The following CDHR2 variants were observed in gnomAD, a reference collection of about 807,000 sequenced individuals.
CDHR2 encodes the protein cadherin-related family member 2.
In CDHR2, 104 loss-of-function variants were observed where a neutral mutation model predicts 138.6. That is an observed-to-expected ratio of 0.75 (90% confidence interval 0.64 to 0.88). The LOEUF (loss-of-function observed/expected upper bound fraction) is 0.88. CDHR2 is among the 40% of genes least tolerant of loss of function. The probability of loss-of-function intolerance (pLI) is 0.00; values close to 1 mark genes in which losing one functional copy is unlikely to be tolerated. For synonymous variants in CDHR2, 755 were observed against 742.8 expected (o/e 1.02, Z -0.27); for missense variants, 1,624 against 1,727.6 (o/e 0.94, Z 1.06).
intron 1 of CDHR2, among the ~76,000 whole-genome samples, chr5:176,552,392 G>T (rs954668859): frequency 6.6e-6 from 1 of 152,208 alleles, no homozygotes; most frequent in East Asian, 1.9e-4. Flanking sequence ...GGTGTGGACC[G>T]AGAACAGGAG....
intron 5 of CDHR2, among the ~76,000 whole-genome samples, chr5:176,570,040 T>TA (rs567589718): frequency 2.6e-5 from 4 of 152,178 alleles, no homozygotes; most frequent in Non-Finnish European, 5.9e-5. Context: ...TGTTGACCGT[T>TA]ACTGTATGCT....
chr5:176,574,879 T>C (rs1758328366), intron 7 of CDHR2, among the ~76,000 whole-genome samples: 1 of 152,176 alleles, frequency 6.6e-6, no homozygotes, highest in Non-Finnish European at 1.5e-5. Flanking sequence ...CTGCATCTTA[T>C]TGGATCCTCC....
intron 1 of CDHR2, among the ~76,000 whole-genome samples, chr5:176,555,026 G>A (rs1233452145): frequency 6.6e-6 from 1 of 152,168 alleles, no homozygotes; most frequent in African/African-American, 2.4e-5. Context: ...TCCTCCACGA[G>A]TCTCTTGCTA....
In CDHR2 at chr5:176,581,396, G is replaced by A. The variant is rs1040837964; in HGVS notation, c.1872G>A (p.Leu624=). Residue 624 remains leucine, a synonymous_variant, in exon 17 of 32, where the codon CTG becomes CTA. Coordinates refer to ENST00000261944, the MANE Select transcript of CDHR2 (RefSeq NM_017675.6). Reference sequence around the variant, plus strand: ...ACAACAGCCGTCTGCTCTTCAACCTGCTGCCTGGCCCCTACAGCCACAACT... The same window carrying A: ...ACAACAGCCGTCTGCTCTTCAACCTACTGCCTGGCCCCTACAGCCACAACT... ...GTNNSRLLFN[L]LPGPYSHNFS... is the part of the protein sequence containing the mutation. 1 of 1,613,972 alleles carries A rather than the reference G, an allele frequency of 6.2e-7. No individual in the cohort carries two copies. Among genetic ancestry groups the A allele is most frequent in the African/African-American group, 1.3e-5 (1 of 74,944 alleles).
intron 30 of CDHR2, 116 bp downstream of exon 30, chr5:176,591,600 ATGGTAGTAG>A: frequency 2.5e-6 from 2 of 789,958 alleles, no homozygotes; most frequent in Non-Finnish European, 4.3e-6. Flanking sequence ...TGGTGTGGTC[ATGGTAGTAG>A]TGGTAGTTAT....
At chr5:176,591,756 GA>G in intron 30 of CDHR2, 1 of 180,856 alleles carries the variant, frequency 5.5e-6, no homozygotes, top group Non-Finnish European at 1.3e-5. Flanking sequence ...TGGTGGTGAT[GA>G]TGGTGATGAT....
chr5:176,592,581 T>C, intron 30 of CDHR2, 142 bp from the exon 31 acceptor site: 1 of 692,004 alleles, frequency 1.4e-6, no homozygotes, highest in Non-Finnish European at 2.6e-6. Flanking sequence ...ATGATGGTAG[T>C]TGTGATGATG....
chr5:176,593,608 G>A (rs1418003400), intron 31 of CDHR2, among the ~76,000 whole-genome samples: 1 of 152,214 alleles, frequency 6.6e-6, no homozygotes, highest in African/African-American at 2.4e-5. Context: ...GCCCATTGGA[G>A]CTGTGATAGG....
intron 1 of CDHR2, among the ~76,000 whole-genome samples, chr5:176,563,325 G>T (rs546452932): frequency 1.2e-4 from 19 of 152,304 alleles, no homozygotes; most frequent in Middle Eastern, 6.8e-3. Context: ...TCCAGCCTGG[G>T]TGACAGAGTG....
chr5:176,578,761 T>C (rs917966216), intron 16 of CDHR2, among the ~76,000 whole-genome samples, 153 bp downstream of exon 16: 1 of 152,034 alleles, frequency 6.6e-6, no homozygotes. Context: ...ATGAAGAAAA[T>C]TATAGCCTTA....
At chr5:176,544,347 TTTTTC>T (rs1160032572), upstream of CDHR2, among the ~76,000 whole-genome samples, 451 of 147,792 alleles carry the variant, frequency 3.1e-3, no homozygotes, top group African/African-American at 0.01. Flanking sequence ...CTTCCTTTCT[TTTTTC>T]TTTTCTTTTC....
chr5:176,569,105 C>A, intron 5 of CDHR2, 95 bp downstream of exon 5: 1 of 1,112,046 alleles, frequency 9.0e-7, no homozygotes, highest in Non-Finnish European at 1.3e-6. Flanking sequence ...CCCCAGTTAA[C>A]AGTGAATTTA....
chr5:176,549,243 G>A (rs1023072529), upstream of CDHR2: 3 of 152,204 alleles, frequency 2.0e-5, no homozygotes, highest in African/African-American at 7.2e-5. Context: ...CTCATTAGGA[G>A]TCGACCCCTC....
chr5:176,542,552 G>C (rs1227353470), exon 1 of CDHR2: 1 of 152,168 alleles, frequency 6.6e-6, no homozygotes, highest in Non-Finnish European at 1.5e-5. Flanking sequence ...GATGAAAACC[G>C]AGGGCTGCAG....
At chr5:176,562,697 C>G (rs1395482966) in intron 1 of CDHR2, among the ~76,000 whole-genome samples, 5 of 152,114 alleles carry the variant, frequency 3.3e-5, no homozygotes, top group African/African-American at 4.8e-5. Context: ...GTGGCCATCC[C>G]TCCGGCCAAG....
chr5:176,550,306 C>T (rs1449966436), intron 1 of CDHR2, among the ~76,000 whole-genome samples: 1 of 152,254 alleles, frequency 6.6e-6, no homozygotes, highest in Non-Finnish European at 1.5e-5. Context: ...GCCATCTGAA[C>T]CCAGGGCTGT....
At position 176,584,636 on chromosome 5, in the gene CDHR2, C is replaced by T. The variant is rs1758611231; in HGVS notation, c.2355C>T (p.Pro785=). The change falls in exon 19 of 32, where the codon CCC becomes CCT. Residue 785 remains proline, a synonymous_variant. Transcript: ENST00000261944. ...CAGTGAGTGCTGAGAACCCAGACCC[C>T]CAGGGGGGTGAGACCATAGTAGACG... is the stretch of plus-strand genomic sequence containing the variant. ...NLTVSAENPD[P]QGGETIVDVC... 6.2e-7 allele frequency: 1 copy of T among 1,611,350 alleles called. No homozygotes were observed.
In CDHR2 at chr5:176,574,082, G is replaced by A; in HGVS notation, c.406-1G>A. 1 of 1,613,308 alleles carries A rather than the reference G, an allele frequency of 6.2e-7. No individual in the cohort carries two copies. Among genetic ancestry groups the A allele is most frequent in the Non-Finnish European group, 8.5e-7 (1 of 1,179,418 alleles). On this transcript the variant is annotated splice_acceptor_variant, in intron 6 of 31. Coordinates refer to ENST00000261944, the MANE Select transcript of CDHR2 (RefSeq NM_017675.6). LOFTEE classifies it high-confidence loss of function. ...CATAGGTGACGAGTCCCTCCCTGCA[G>A]ACCCTGCCCGTGGGCAGTGTGGTGT...
chr5:176,571,837 C>T (rs943180635), intron 6 of CDHR2, among the ~76,000 whole-genome samples: 2 of 152,074 alleles, frequency 1.3e-5, no homozygotes, highest in African/African-American at 4.8e-5. Context: ...CGCCCAGCCT[C>T]GTGTATCTAA....
Sources: allele counts gnomAD v4.1 joint callset (sites outside exome capture counted in the v4.1 genomes callset), GRCh38; gene constraint gnomAD v4.1.1; transcripts MANE v1.5; gene names NCBI Gene and HGNC (gene_info 2026-07-23, HGNC 2026-07-21).